Variants in CACNB2 observed in about 807,000 individuals in gnomAD.
CACNB2 encodes the protein voltage-dependent L-type calcium channel subunit beta-2.
A neutral mutation model predicts 73.3 loss-of-function variants in CACNB2; 42 were observed. The observed-to-expected ratio is 0.57, with a 90% CI of 0.45 to 0.74. The LOEUF is 0.74. CACNB2 is among the 30% of genes least tolerant of loss of function. The pLI is 0.00. For missense variants in CACNB2, 940 were observed against 853.0 expected (o/e 1.10, Z -1.27); for synonymous variants, 348 against 310.3 (o/e 1.12, Z -1.28).
intron 2 of CACNB2, among the ~76,000 whole-genome samples, chr10:18,197,858 A>G (rs987673260): frequency 7.3e-5 from 11 of 151,124 alleles, no homozygotes; most frequent in South Asian, 4.2e-4. Flanking sequence ...ACTGCTGGAA[A>G]TATATGAGCT....
chr10:18,442,986 G>GTATATA lies in CACNB2; in HGVS notation c.333+40949_333+40954dup, dbSNP rs369054241. Reference sequence around the variant, plus strand: ...TATATATATGTGTATATATATATATGTATATATATATGTGTATATATATAT... The same window carrying GTATATA: ...TATATATATGTGTATATATATATATGTATATATATATATATATGTGTATATATATAT... On this transcript the variant is annotated intron_variant, in intron 3 of 13. Transcript: ENST00000324631. Among the ~76,000 whole-genome samples the GTATATA allele has an allele frequency of 2.1e-3, 41 of 19,244 alleles. 2 individuals are homozygous for GTATATA. Among genetic ancestry groups the GTATATA allele is most frequent in the Admixed American group, 3.3e-3 (6 of 1,834 alleles). 12.6% of individuals were successfully genotyped at this position (19,244 alleles called of 152,430 possible). A position where few individuals can be genotyped will look rare whatever the true frequency, so the allele number is the denominator to read the frequency against.
At chr10:18,456,523 A>T (rs1269553904) in intron 3 of CACNB2, among the ~76,000 whole-genome samples, 1 of 152,138 alleles carries the variant, frequency 6.6e-6, no homozygotes, top group East Asian at 1.9e-4. Context: ...CAGCGCCAAG[A>T]TATAGTGCTA....
At chr10:18,386,962 G>C (rs1242705683) in intron 2 of CACNB2, among the ~76,000 whole-genome samples, 2 of 152,196 alleles carry the variant, frequency 1.3e-5, no homozygotes, top group African/African-American at 2.4e-5. Flanking sequence ...AATTAAGGCA[G>C]TAACAGTATT....
At chr10:18,360,769 G>A (rs1388159513) in intron 2 of CACNB2, among the ~76,000 whole-genome samples, 2 of 152,140 alleles carry the variant, frequency 1.3e-5, no homozygotes, top group East Asian at 3.9e-4. Flanking sequence ...CCCTGCATCT[G>A]GGGTGTCAGA....
intron 2 of CACNB2, chr10:18,224,456 C>T (rs1564357754): frequency 6.6e-6 from 1 of 152,018 alleles, no homozygotes; most frequent in African/African-American, 2.4e-5. Flanking sequence ...AGAAAATTAC[C>T]CGGCTCCTTA....
chr10:18,144,702 C>A (rs192320985), intron 1 of CACNB2, among the ~76,000 whole-genome samples: 134 of 152,300 alleles, frequency 8.8e-4, no homozygotes, highest in African/African-American at 3.1e-3. Context: ...AAGAATATAA[C>A]ACATCTTCAT....
At chr10:18,383,987 TGA>T (rs1224608067) in intron 2 of CACNB2, among the ~76,000 whole-genome samples, 1 of 152,084 alleles carries the variant, frequency 6.6e-6, no homozygotes, top group Non-Finnish European at 1.5e-5. Context: ...ATTACAGGCA[TGA>T]GCCACCACGC....
At chr10:18,470,343 A>G (rs950077717) in intron 3 of CACNB2, among the ~76,000 whole-genome samples, 1 of 149,138 alleles carries the variant, frequency 6.7e-6, no homozygotes, top group Non-Finnish European at 1.5e-5. Flanking sequence ...TATAGTATAT[A>G]TCATATAGAC....
At chr10:18,251,594 C>T (rs544081130) in intron 2 of CACNB2, among the ~76,000 whole-genome samples, 4 of 152,280 alleles carry the variant, frequency 2.6e-5, no homozygotes, top group South Asian at 4.1e-4. Flanking sequence ...TGTATTAGTC[C>T]GTTCTCACAC....
At chr10:18,149,823 A>G (rs2031347356) in intron 1 of CACNB2, among the ~76,000 whole-genome samples, 2 of 152,174 alleles carry the variant, frequency 1.3e-5, no homozygotes, top group Non-Finnish European at 2.9e-5. Context: ...TATAGGTATC[A>G]CTTTTTATGT....
At chr10:18,147,988 G>C (rs1263078676) in intron 1 of CACNB2, among the ~76,000 whole-genome samples, 2 of 151,942 alleles carry the variant, frequency 1.3e-5, no homozygotes, top group African/African-American at 4.8e-5. Context: ...TATGAAAATG[G>C]ACTATTAGCT....
At chr10:18,442,810 C>T (rs1300685678) in intron 3 of CACNB2, among the ~76,000 whole-genome samples, 6 of 144,500 alleles carry the variant, frequency 4.2e-5, no homozygotes, top group African/African-American at 1.3e-4. Flanking sequence ...GGTGACAGAG[C>T]GAGACTCCAC....
At chr10:18,228,389 C>T (rs113908139) in intron 2 of CACNB2, among the ~76,000 whole-genome samples, 1,361 of 127,364 alleles carry the variant, frequency 0.011, 21 homozygotes, top group African/African-American at 0.038. Context: ...GCCGAGATGG[C>T]GACATTGCAC....
At chr10:18,538,726 C>G (rs2053854463) in intron 13 of CACNB2, among the ~76,000 whole-genome samples, 1 of 152,116 alleles carries the variant, frequency 6.6e-6, no homozygotes, top group Non-Finnish European at 1.5e-5. Context: ...CAAGAGGCTG[C>G]TGGAATTAAT....
At chr10:18,325,416 A>G (rs2040544492) in intron 2 of CACNB2, among the ~76,000 whole-genome samples, 2 of 151,744 alleles carry the variant, frequency 1.3e-5, no homozygotes, top group Admixed American at 6.6e-5. Context: ...GCTGGTCTTG[A>G]ACTCCTGGTC....
chr10:18,468,653 G>T (rs1207148749), intron 3 of CACNB2, among the ~76,000 whole-genome samples: 1 of 152,066 alleles, frequency 6.6e-6, no homozygotes, highest in Non-Finnish European at 1.5e-5. Context: ...AGGCTAGAGG[G>T]TAGTGGCACA....
intron 3 of CACNB2, among the ~76,000 whole-genome samples, chr10:18,482,444 T>C (rs2048829158): frequency 6.6e-6 from 1 of 152,136 alleles, no homozygotes; most frequent in Admixed American, 6.6e-5. Context: ...CCTACGGAAG[T>C]TATAATATCT....
intron 2 of CACNB2, among the ~76,000 whole-genome samples, chr10:18,302,651 A>G (rs1055926639): frequency 6.6e-6 from 1 of 152,194 alleles, no homozygotes; most frequent in Non-Finnish European, 1.5e-5. Flanking sequence ...CAGCTAAGCT[A>G]TGAGGATGCA....
chr10:18,261,887 G>A, intron 2 of CACNB2: 1 of 515,402 alleles, frequency 1.9e-6, no homozygotes, highest in Non-Finnish European at 3.9e-6. Context: ...GGCTGTCTGA[G>A]TATTAAATTC....
Sources: gnomAD v4.1 joint callset for allele counts (sites outside exome capture counted in the v4.1 genomes callset) on GRCh38, gnomAD v4.1.1 for gene constraint, MANE v1.5 for transcripts, NCBI Gene and HGNC (gene_info 2026-07-23, HGNC 2026-07-21) for gene names.